ELAPOR1: variants seen among roughly 807,000 people sequenced by gnomAD.
ELAPOR1 encodes the protein endosome-lysosome associated apoptosis and autophagy regulator 1.
In ELAPOR1, 77 loss-of-function variants were observed where a neutral mutation model predicts 119.7. The ratio of observed to expected loss-of-function variants is 0.64; its 90% confidence interval spans 0.54 to 0.78. The LOEUF is 0.78. Among genes scored for constraint, ELAPOR1 ranks in the 30% least tolerant of loss-of-function variants. The pLI is 0.00. For missense variants in ELAPOR1, 1,115 were observed against 1,270.4 expected, an observed-to-expected ratio of 0.88 and a Z score of 1.86; for synonymous variants, 481 against 487.2, an observed-to-expected ratio of 0.99 and a Z score of 0.17.
intron 7 of ELAPOR1, among the ~76,000 whole-genome samples, chr1:109,179,527 GGCCGGAAA>G (rs1652570703): frequency 1.3e-5 from 2 of 152,136 alleles, no homozygotes; most frequent in Non-Finnish European, 2.9e-5. Flanking sequence ...CTGAGAAGCA[GGCCGGAAA>G]CAGATTATGG....
rs374524337 is a variant in ELAPOR1, at chr1:109,161,932, G to C, written c.192G>C (p.Thr64=). The part of the protein sequence containing the change: ...YHYEYTACDS[T]GSRWRVAVPH... The stretch of plus-strand genomic sequence containing the variant: ...ATGAGTACACGGCGTGTGACAGCAC[G>C]GGTTCCAGGTGGAGGGTCGCCGTGC... Residue 64 remains threonine, a synonymous_variant, in exon 2 of 22, where the codon ACG becomes ACC. Transcript: ENST00000369939. 1.2e-6 allele frequency: 2 copies of C among 1,614,008 alleles called. No homozygotes were observed. Among genetic ancestry groups the C allele is most frequent in the Middle Eastern group, 1.6e-4 (1 of 6,062 alleles).
intron 1 of ELAPOR1, among the ~76,000 whole-genome samples, chr1:109,130,515 AT>A (rs1160566160): frequency 6.8e-6 from 1 of 147,422 alleles, no homozygotes; most frequent in Non-Finnish European, 1.5e-5. Flanking sequence ...ATATATATTT[AT>A]TTTTATTGAA....
Position 109,185,086 on chromosome 1 carries a change from G to A in ELAPOR1, c.994G>A (p.Asp332Asn), listed in dbSNP as rs867085834. The A allele has an allele frequency of 6.2e-7, 1 of 1,613,994 alleles. No homozygotes were observed. Among genetic ancestry groups the A allele is most frequent in the Non-Finnish European group, 8.5e-7 (1 of 1,179,828 alleles). Residue 332 changes from aspartate to asparagine, a missense_variant, in exon 8 of 22, where the codon GAC becomes AAC. Physicochemically the swap from Asp to Asn is conservative, Grantham distance 23. Transcript: ENST00000369939. ...CTGTAACGTGCGCCCAGCTTGCACA[G>A]ACAAAGATTATTTCTACACACACAC... ...SSCNVRPACTDKDYFYTHTAC... is the reference protein window; with the variant it reads ...SSCNVRPACTNKDYFYTHTAC...
intron 16 of ELAPOR1, 123 bp from the exon 17 acceptor site, chr1:109,197,856 C>T: frequency 2.9e-6 from 3 of 1,025,078 alleles, no homozygotes; most frequent in Non-Finnish European, 3.0e-6. Flanking sequence ...TTCACCCTTT[C>T]ATAAGCCACT....
chr1:109,131,560 G>A (rs558201827), intron 1 of ELAPOR1, among the ~76,000 whole-genome samples: 2 of 152,124 alleles, frequency 1.3e-5, no homozygotes, highest in Non-Finnish European at 2.9e-5. Flanking sequence ...TGTGCCAGGT[G>A]CTGTACTTGA....
chr1:109,154,880 G>A (rs1269901957), intron 1 of ELAPOR1, among the ~76,000 whole-genome samples: 1 of 152,218 alleles, frequency 6.6e-6, no homozygotes, highest in Non-Finnish European at 1.5e-5. Flanking sequence ...TTAATGGTTA[G>A]TCAGATCGGA....
At chr1:109,117,609 G>A (rs2100950008) in intron 1 of ELAPOR1, among the ~76,000 whole-genome samples, 1 of 152,300 alleles carries the variant, frequency 6.6e-6, no homozygotes, top group Middle Eastern at 3.4e-3. Flanking sequence ...TCTGTGAAAT[G>A]GGGATGGTAA....
chr1:109,136,280 A>G (rs1248352065), intron 1 of ELAPOR1, among the ~76,000 whole-genome samples: 1 of 152,172 alleles, frequency 6.6e-6, no homozygotes, highest in Non-Finnish European at 1.5e-5. Context: ...GTCCTTATAA[A>G]AAGGGGGAAG....
chr1:109,169,837 A>G (rs1271999590), intron 3 of ELAPOR1, among the ~76,000 whole-genome samples: 1 of 152,230 alleles, frequency 6.6e-6, no homozygotes, highest in African/African-American at 2.4e-5. Flanking sequence ...GGAGGCTCAC[A>G]TACAGTTCTC....
rs1482044173 is a variant in ELAPOR1 at position 109,114,187 on chromosome 1, G to A, written c.4G>A (p.Ala2Thr). 6 of 1,597,588 alleles carry A rather than the reference G, an allele frequency of 3.8e-6. No homozygotes were observed. The highest frequency in any genetic ancestry group is 1.3e-5 in the African/African-American group (1 of 74,600). The change falls in exon 1 of 22, where the codon GCT becomes ACT. Residue 2 changes from alanine to threonine, a missense_variant. Transcript: ENST00000369939. M[A>T]EPGHSHHLSA... ...GCCGCTCACTCAGGACAACGCTATG[G>A]CTGAGCCTGGGCACAGCCACCATCT...
intron 3 of ELAPOR1, among the ~76,000 whole-genome samples, chr1:109,166,723 G>A (rs992678399): frequency 1.3e-5 from 2 of 152,156 alleles, no homozygotes; most frequent in African/African-American, 4.8e-5. Flanking sequence ...CATTTATTAT[G>A]GGCAAGGCAA....
rs1558058136 is a variant in ELAPOR1 at position 109,183,588 on chromosome 1, C to CCTTT, written c.953-1454_953-1453insTCTT. Among the ~76,000 whole-genome samples, 200 of 113,070 alleles carry CCTTT rather than the reference C, an allele frequency of 1.8e-3. 8 individuals are homozygous for CCTTT. Among genetic ancestry groups the CCTTT allele is most frequent in the African/African-American group, 6.3e-3 (191 of 30,440 alleles). The allele number at this position is 113,070 out of a possible 152,430, so 74.2% of individuals were successfully genotyped here. A position where few individuals can be genotyped will look rare whatever the true frequency, so the allele number is the denominator to read the frequency against. ...TCCTTCCTTCCTTCCTTCCTTCCTT[C>CCTTT]CTTCCTTCCTTCCTTCCTTCCATCC... On this transcript the variant is annotated intron_variant, in intron 7 of 21. Coordinates refer to ENST00000369939, the MANE Select transcript of ELAPOR1 (RefSeq NM_020775.5).
At chr1:109,129,237 C>T (rs896918149) in intron 1 of ELAPOR1, among the ~76,000 whole-genome samples, 70 of 152,086 alleles carry the variant, frequency 4.6e-4, no homozygotes, top group African/African-American at 1.6e-3. Context: ...GGCCTGGGAG[C>T]GGTGGCTCAC....
At chr1:109,159,672 T>C (rs1651124160) in intron 1 of ELAPOR1, among the ~76,000 whole-genome samples, 1 of 152,178 alleles carries the variant, frequency 6.6e-6, no homozygotes, top group Non-Finnish European at 1.5e-5. Context: ...CAGTGACTTA[T>C]CGGCTGCATG....
At chr1:109,151,140 G>T (rs1245442721) in intron 1 of ELAPOR1, among the ~76,000 whole-genome samples, 1 of 152,138 alleles carries the variant, frequency 6.6e-6, no homozygotes. Context: ...GAGCACAGAA[G>T]AATGAGTTTT....
chr1:109,168,861 C>T (rs904231684), intron 3 of ELAPOR1, among the ~76,000 whole-genome samples: 6 of 152,016 alleles, frequency 3.9e-5, no homozygotes, highest in African/African-American at 1.5e-4. Context: ...GAATTTAGAG[C>T]GATGCCTGAC....
At chr1:109,192,554 A>G in intron 13 of ELAPOR1, 57 bp from the exon 14 acceptor site, 1 of 1,576,790 alleles carries the variant, frequency 6.3e-7, no homozygotes, top group Non-Finnish European at 8.7e-7. Context: ...TAGAGGCCTC[A>G]ATTGTTGCTG....
intron 7 of ELAPOR1, among the ~76,000 whole-genome samples, chr1:109,177,491 G>C (rs1652413449): frequency 1.8e-5 from 2 of 111,242 alleles, no homozygotes; most frequent in Non-Finnish European, 3.7e-5. Flanking sequence ...TCACTTCCCA[G>C]ATGGGATGGC....
At chr1:109,126,515 G>A (rs1020168334) in intron 1 of ELAPOR1, among the ~76,000 whole-genome samples, 1 of 151,786 alleles carries the variant, frequency 6.6e-6, no homozygotes, top group African/African-American at 2.4e-5. Flanking sequence ...CTGTTGCCCA[G>A]GCTGGAGTGC....
Sources: gnomAD v4.1 joint callset for allele counts (sites outside exome capture counted in the v4.1 genomes callset) on GRCh38, gnomAD v4.1.1 for gene constraint, MANE v1.5 for transcripts, NCBI Gene and HGNC (gene_info 2026-07-23, HGNC 2026-07-21) for gene names.